ADCK5: variants seen among roughly 807,000 people sequenced by gnomAD.
The protein encoded by ADCK5 is aarF domain containing kinase 5, also known as uncharacterized aarF domain-containing protein kinase 5.
ADCK5 carries 43 observed loss-of-function variants against 64.9 expected under a neutral mutation model. That is an observed-to-expected ratio of 0.66 (90% CI 0.52 to 0.85). The LOEUF (loss-of-function observed/expected upper bound fraction) is 0.85. Ranked by LOEUF, ADCK5 falls within the 40% of genes least tolerant of loss-of-function variation. The pLI is 0.00. For synonymous variants in ADCK5, 434 were observed against 342.8 expected, an observed-to-expected ratio of 1.27 and a Z score of -2.94; for missense variants, 760 against 810.5, an observed-to-expected ratio of 0.94 and a Z score of 0.76.
At chr8:144,392,418 T>TACCCC in intron 12 of ADCK5, 27 bp from the exon 13 acceptor site, 1 of 799,262 alleles carries the variant, frequency 1.3e-6, no homozygotes, top group Non-Finnish European at 1.7e-6. Context: ...CAGAGCCCCC[T>TACCCC]CCCTCCCTCC....
chr8:144,392,857 C>A lies in ADCK5; in HGVS notation c.1602C>A (p.Val534=). The A allele has an allele frequency of 6.3e-7, 1 of 1,599,034 alleles. No individual in the cohort carries two copies. Residue 534 remains valine (V), a synonymous_variant, in exon 14 of 15, where the codon GTC becomes GTA. Transcript: ENST00000308860. Reference sequence around the variant, plus strand: ...CCAGCCTCCTGCGCCACGCCAAGGTCGTCTGGGAGATGCTCAAGTTTGAAG... The same window carrying A: ...CCAGCCTCCTGCGCCACGCCAAGGTAGTCTGGGAGATGCTCAAGTTTGAAG... ...YGTSLLRHAK[V]VWEMLKFEVA...
intron 3 of ADCK5, among the ~76,000 whole-genome samples, chr8:144,386,172 G>A (rs1234726003): frequency 2.7e-5 from 4 of 150,796 alleles, no homozygotes; most frequent in South Asian, 2.1e-4. Flanking sequence ...CACCATGCCC[G>A]GCTAATTTTT....
At chr8:144,387,129 T>C (rs1819958042) in intron 3 of ADCK5, among the ~76,000 whole-genome samples, 1 of 152,250 alleles carries the variant, frequency 6.6e-6, no homozygotes, top group Non-Finnish European at 1.5e-5. Flanking sequence ...CATGTGCTCA[T>C]GCGTGGCCAG....
Position 144,393,119 on chromosome 8 carries a change from G to A in ADCK5, c.*45G>A. 2 of 1,483,220 alleles carry A rather than the reference G, an allele frequency of 1.3e-6. No individual in the cohort carries two copies. The highest frequency in any genetic ancestry group is 1.3e-5 in the South Asian group (1 of 76,196). 91.9% of individuals were successfully genotyped at this position (1,483,220 alleles called of 1,614,324 possible). A position where few individuals can be genotyped will look rare whatever the true frequency, so the allele number is the denominator to read the frequency against. ...GGCGGGGCCCTTTTCACCTTGGGCT[G>A]ACGGAGGTGGCGGGGCTAGAGGTGT... On this transcript the variant is annotated 3_prime_UTR_variant, in exon 15 of 15. Transcript: ENST00000308860.
chr8:144,389,116 C>CT (rs782534215), intron 3 of ADCK5: 365 of 372,162 alleles, frequency 9.8e-4, no homozygotes, highest in Non-Finnish European at 1.6e-3. Context: ...GGCTCCCACC[C>CT]TGATATCCTC....
At chr8:144,388,369 AAAATT>A (rs1369352712) in intron 3 of ADCK5, among the ~76,000 whole-genome samples, 2 of 151,678 alleles carry the variant, frequency 1.3e-5, no homozygotes, top group Admixed American at 6.6e-5. Flanking sequence ...AAAAAAAAAA[AAAATT>A]AAATTCCTTC....
intron 3 of ADCK5, among the ~76,000 whole-genome samples, chr8:144,387,291 C>G (rs1401231929): frequency 6.6e-6 from 1 of 152,122 alleles, no homozygotes. Context: ...TCTGTCCTGC[C>G]GGGGGCACAT....
chr8:144,389,922 G>A (rs1363907286), intron 3 of ADCK5, among the ~76,000 whole-genome samples: 3 of 151,092 alleles, frequency 2.0e-5, no homozygotes, highest in Admixed American at 1.3e-4. Context: ...TCTGCCTCTC[G>A]GGTTCAAGCA....
At chr8:144,374,027 C>G, upstream of ADCK5, 1 of 1,241,072 alleles carries the variant, frequency 8.1e-7, no homozygotes. Flanking sequence ...CGCGCCCTCC[C>G]GCAGGGCCTG....
chr8:144,392,446 C>G lies in ADCK5; in HGVS notation c.1269C>G (p.Asp423Glu), dbSNP rs781787734. 4.1e-6 allele frequency: 6 copies of G among 1,470,040 alleles called. No individual in the cohort carries two copies. In the Admixed American group the frequency reaches 1.1e-4, roughly 27 times the overall value. The allele number at this position is 1,470,040 out of a possible 1,614,324, so 91.1% of individuals were successfully genotyped here. A position where few individuals can be genotyped will look rare whatever the true frequency, so the allele number is the denominator to read the frequency against. ...CTCCCTCCCTCCCTCCCTCCCCAGA[C>G]TACCTCCTGTTCGCCGAGATGCTCA... ...RAHAAALGVQ[D>E]YLLFAEMLMQ... The change falls in exon 13 of 15, where the codon GAC becomes GAG. Residue 423 changes from aspartate (D) to glutamate (E), a missense_variant and splice_region_variant. By Grantham distance (45) the Asp-to-Glu change is conservative. Coordinates refer to ENST00000308860, the MANE Select transcript of ADCK5 (RefSeq NM_174922.5).
rs1554860453 is a variant in ADCK5 at position 144,391,289 on chromosome 8, C to T, written c.684+15C>T. The T allele has an allele frequency of 1.2e-6, 2 of 1,612,262 alleles. No individual in the cohort carries two copies. The highest frequency in any genetic ancestry group is 2.2e-5 in the South Asian group (2 of 91,086). ...TGGCTGTGAAGGTATATGGGGGCTGCCTTGTTCAGCAGTGGGCTGGGGCGG... is the reference window on the plus strand; with the variant it reads ...TGGCTGTGAAGGTATATGGGGGCTGTCTTGTTCAGCAGTGGGCTGGGGCGG... On this transcript the variant is annotated intron_variant, in intron 6 of 14. Coordinates refer to ENST00000308860, the MANE Select transcript of ADCK5 (RefSeq NM_174922.5).
rs556082066 is a variant in ADCK5 at position 144,384,614 on chromosome 8, G to A, written c.266+1384G>A. Among the ~76,000 whole-genome samples the A allele has an allele frequency of 2.6e-5, 4 of 152,246 alleles. No homozygotes were observed. Among genetic ancestry groups the A allele is most frequent in the East Asian group, 3.9e-4 (2 of 5,178 alleles). On this transcript the variant is annotated intron_variant, in intron 3 of 14. Transcript: ENST00000308860. The surrounding 1 kb of genome is among the most constrained non-coding windows in gnomAD (Gnocchi z 5.7). Reference sequence around the variant, plus strand: ...CTCTGCCTTTTTCTCGTGACCCTCCGCTGCAGTGCATGCAAGGGCCACACA... The same window carrying A: ...CTCTGCCTTTTTCTCGTGACCCTCCACTGCAGTGCATGCAAGGGCCACACA...
At chr8:144,385,411 T>G (rs1378218351) in intron 3 of ADCK5, among the ~76,000 whole-genome samples, 1 of 151,484 alleles carries the variant, frequency 6.6e-6, no homozygotes, top group Non-Finnish European at 1.5e-5. Flanking sequence ...CTCCAACTCT[T>G]GACCTCAGGT....
chr8:144,389,233 C>A (rs1223860577), intron 3 of ADCK5: 6 of 456,142 alleles, frequency 1.3e-5, no homozygotes, highest in Admixed American at 4.7e-5. Flanking sequence ...TCCCCCACTT[C>A]CTGCCTTAAC....
intron 3 of ADCK5, among the ~76,000 whole-genome samples, chr8:144,390,285 C>T (rs1484074450): frequency 2.0e-5 from 3 of 152,222 alleles, no homozygotes; most frequent in Non-Finnish European, 4.4e-5. Context: ...CACCACCGTG[C>T]CTGCCTAATT....
chr8:144,390,040 A>G (rs1173526731), intron 3 of ADCK5, among the ~76,000 whole-genome samples: 1 of 150,686 alleles, frequency 6.6e-6, no homozygotes, highest in Non-Finnish European at 1.5e-5. Context: ...CATGTTGGCC[A>G]GGCTGGTCTT....
chr8:144,381,023 TC>T, intron 2 of ADCK5, among the ~76,000 whole-genome samples: 1 of 151,926 alleles, frequency 6.6e-6, no homozygotes, highest in East Asian at 1.9e-4. Context: ...CTCAGGCACC[TC>T]CCGCAGTCAG....
chr8:144,373,795 C>A (rs1819250113), upstream of ADCK5: 3 of 348,158 alleles, frequency 8.6e-6, no homozygotes, highest in South Asian at 4.5e-4. Flanking sequence ...CTTCTCACAG[C>A]GGTCCTTCCG....
chr8:144,392,264 G>A lies in ADCK5; in HGVS notation c.1186G>A (p.Ala396Thr). 9.2e-6 allele frequency: 14 copies of A among 1,529,776 alleles called. No homozygotes were observed. Among genetic ancestry groups the A allele is most frequent in the Non-Finnish European group, 1.1e-5 (12 of 1,141,494 alleles). The allele number at this position is 1,529,776 out of a possible 1,614,324, so 94.8% of individuals were successfully genotyped here. A position where few individuals can be genotyped will look rare whatever the true frequency, so the allele number is the denominator to read the frequency against. Reference sequence around the variant, plus strand: ...CCCATCCACACCCAGGGACCGCGCAGCCCTCTGCCAGCTGTGGCGGGCCAT... The same window carrying A: ...CCCATCCACACCCAGGGACCGCGCAACCCTCTGCCAGCTGTGGCGGGCCAT... ...YQFLEEKDRAALCQLWRAIIL... is the reference protein window; with the variant it reads ...YQFLEEKDRATLCQLWRAIIL... Residue 396 changes from alanine to threonine, a missense_variant, in exon 12 of 15, where the codon GCC (alanine) becomes ACC (threonine). Transcript: ENST00000308860.
Sources: gnomAD v4.1 joint callset for allele counts (sites outside exome capture counted in the v4.1 genomes callset) on GRCh38, gnomAD v4.1.1 for gene constraint, Gnocchi (gnomAD v3.1) non-coding constraint, MANE v1.5 for transcripts, NCBI Gene and HGNC (gene_info 2026-07-23, HGNC 2026-07-21) for gene names.